PLPP2: variants seen among roughly 807,000 people sequenced by gnomAD.
PLPP2 encodes the protein phospholipid phosphatase 2.
PLPP2 carries 29 observed loss-of-function variants against 35.2 expected under a neutral mutation model. The observed-to-expected ratio is 0.82, with a 90% confidence interval of 0.61 to 1.12. PLPP2 has a LOEUF of 1.12. Ranked by LOEUF, PLPP2 falls within the 50% of genes most tolerant of loss-of-function variation. PLPP2 has a pLI of 0.00. For synonymous variants in PLPP2, 162 were observed against 167.0 expected (o/e 0.97, Z 0.23); for missense variants, 353 against 375.2 (o/e 0.94, Z 0.49).
intron 3 of PLPP2, chr19:283,703 C>G (rs983645163): frequency 1.3e-5 from 2 of 152,262 alleles, no homozygotes; most frequent in African/African-American, 4.8e-5. Context: ...GCTCTCACGT[C>G]TGGCCGCCTT....
At chr19:291,092 C>T in intron 1 of PLPP2, 193 bp downstream of exon 1, 2 of 1,337,812 alleles carry the variant, frequency 1.5e-6, no homozygotes, top group Non-Finnish European at 1.9e-6. Context: ...ACGCGGGGAC[C>T]CCCGAGCCTG....
rs1338421127 is a variant in PLPP2, at chr19:291,396, G to A, written c.-60C>T. 3 of 1,519,236 alleles carry A rather than the reference G, an allele frequency of 2.0e-6. No homozygotes were observed. The highest frequency in any genetic ancestry group is 2.7e-6 in the Non-Finnish European group (3 of 1,125,886). The allele number at this position is 1,519,236 out of a possible 1,614,324, so 94.1% of individuals were successfully genotyped here. The stretch of plus-strand genomic sequence containing the variant: ...TCCCGTCGCGTCCCGGCCCGGCCGC[G>A]GAGTCACGTGGCGCGGAGCCCGCCC... On this transcript the variant is annotated 5_prime_UTR_variant, in exon 1 of 6. Coordinates refer to ENST00000434325, the MANE Select transcript of PLPP2 (RefSeq NM_003712.4).
In PLPP2 at chr19:281,517, G is replaced by A. The variant is rs1970173748; in HGVS notation, c.738C>T (p.Phe246=). The change falls in exon 6 of 6, where the codon TTC becomes TTT. Residue 246 remains phenylalanine, a synonymous_variant. Coordinates refer to ENST00000434325, the MANE Select transcript of PLPP2 (RefSeq NM_003712.4). ...AALTVCYISD[F]FKARPPQHCL... Reference sequence around the variant, plus strand: ...AGTGCTGTGGGGGTCGGGCTTTGAAGAAGTCTGAGATGTAGCAGACCTGGT... The same window carrying A: ...AGTGCTGTGGGGGTCGGGCTTTGAAAAAGTCTGAGATGTAGCAGACCTGGT... The A allele has an allele frequency of 2.0e-6, 3 of 1,513,168 alleles. No homozygotes were observed. Among genetic ancestry groups the A allele is most frequent in the Non-Finnish European group, 1.8e-6 (2 of 1,129,496 alleles). The allele number at this position is 1,513,168 out of a possible 1,614,324, so 93.7% of individuals were successfully genotyped here. A position where few individuals can be genotyped will look rare whatever the true frequency, so the allele number is the denominator to read the frequency against.
rs1359710028 is a variant in PLPP2 at position 287,895 on chromosome 19, C to T, written c.204+125G>A. ...CCCACAGGTACCACTCAGGGCAAGGCTGTGTCCCCCGGCCCCACACAGACC... is the reference window on the plus strand; with the variant it reads ...CCCACAGGTACCACTCAGGGCAAGGTTGTGTCCCCCGGCCCCACACAGACC... On this transcript the variant is annotated intron_variant, in intron 2 of 5. Coordinates refer to ENST00000434325, the MANE Select transcript of PLPP2 (RefSeq NM_003712.4). This position sits in a 1 kb window ranked among gnomAD's most constrained non-coding sequence, Gnocchi z 4.3. The T allele has an allele frequency of 2.7e-6, 4 of 1,507,784 alleles. No homozygotes were observed. The African/African-American group carries it at 4.1e-5, about 16-fold the overall frequency. 93.4% of individuals were successfully genotyped at this position (1,507,784 alleles called of 1,614,324 possible). A position where few individuals can be genotyped will look rare whatever the true frequency, so the allele number is the denominator to read the frequency against.
At chr19:291,242 C>T in intron 1 of PLPP2, 43 bp downstream of exon 1, 1 of 1,598,316 alleles carries the variant, frequency 6.3e-7, no homozygotes, top group South Asian at 1.1e-5. Flanking sequence ...GCGTGTCCGT[C>T]CCGGGAGGGT....
intron 3 of PLPP2, chr19:285,235 C>T (rs1206342208): frequency 6.6e-6 from 1 of 152,032 alleles, no homozygotes; most frequent in Non-Finnish European, 1.5e-5. Context: ...GAGTTCGAGA[C>T]CAGCCTAGCC....
intron 1 of PLPP2, 172 bp downstream of exon 1, chr19:291,113 C>A: frequency 7.4e-7 from 1 of 1,354,738 alleles, no homozygotes; most frequent in Non-Finnish European, 9.5e-7. Context: ...GGAGGGCGCG[C>A]GCAGTGCGGG....
intron 4 of PLPP2, 81 bp downstream of exon 4, chr19:282,671 G>T: frequency 6.9e-7 from 1 of 1,450,668 alleles, no homozygotes; most frequent in Non-Finnish European, 9.6e-7. Context: ...CCATTTTACA[G>T]CTGGAAAAAC....
intron 3 of PLPP2, chr19:286,665 A>G (rs1970276004): frequency 6.6e-6 from 1 of 152,236 alleles, no homozygotes; most frequent in Non-Finnish European, 1.5e-5. Context: ...ACATTAAAAA[A>G]AAAGTCAGAG....
chr19:287,284 A>C lies in PLPP2; in HGVS notation c.482+190T>G, dbSNP rs575898992. 1.5e-5 allele frequency: 10 copies of C among 683,410 alleles called. No homozygotes were observed. Among genetic ancestry groups the C allele is most frequent in the Middle Eastern group, 4.2e-4 (1 of 2,396 alleles). The allele number at this position is 683,410 out of a possible 1,614,324, so 42.3% of individuals were successfully genotyped here. A position where few individuals can be genotyped will look rare whatever the true frequency, so the allele number is the denominator to read the frequency against. On this transcript the variant is annotated intron_variant, in intron 3 of 5. Transcript: ENST00000434325. This position sits in a 1 kb window ranked among gnomAD's most constrained non-coding sequence, Gnocchi z 4.3. ...GAACCCCAAAATACTTAAAGCAAAA[A>C]CTGACAGAATGTTACAACATGGATG...
intron 3 of PLPP2, 75 bp from the exon 4 acceptor site, chr19:282,884 A>C (rs1970209262): frequency 7.1e-7 from 1 of 1,410,380 alleles, no homozygotes. Context: ...CGCCCACAGA[A>C]GGGAGGGCTC....
chr19:291,132 G>C, intron 1 of PLPP2, 153 bp downstream of exon 1: 1 of 1,391,566 alleles, frequency 7.2e-7, no homozygotes. Flanking sequence ...GGGCGCGGAG[G>C]GAGGTCTGGT....
Position 291,330 on chromosome 19 carries a change from G to T in PLPP2, c.7C>A (p.Arg3=), listed in dbSNP as rs1469065326. Residue 3 remains arginine, a synonymous_variant, in exon 1 of 6, where the codon CGG becomes AGG. Transcript: ENST00000434325. MQ[R]RWVFVLLDVL... ...TCGAGCAGCACGAAGACCCACCTCC[G>T]CTGCATGGTCCCCGCGACCCCCGAC... 1 of 1,592,630 alleles carries T rather than the reference G, an allele frequency of 6.3e-7. No individual in the cohort carries two copies.
chr19:289,498 G>A (rs28708393), intron 1 of PLPP2, among the ~76,000 whole-genome samples: 83,970 of 151,040 alleles, frequency 0.56, 23,769 homozygotes, highest in Admixed American at 0.6. Flanking sequence ...GGCAGATCAC[G>A]AGGTCAGGAG....
At chr19:291,243 C>T (rs759616136) in intron 1 of PLPP2, 42 bp downstream of exon 1, 2 of 1,598,196 alleles carry the variant, frequency 1.3e-6, no homozygotes, top group African/African-American at 1.4e-5. Context: ...CGTGTCCGTC[C>T]CGGGAGGGTC....
intron 1 of PLPP2, chr19:291,004 G>C (rs1970379172): frequency 8.6e-6 from 11 of 1,279,148 alleles, no homozygotes; most frequent in Non-Finnish European, 9.8e-6. Context: ...CCTCCGCACA[G>C]ACTTCCTGCT....
intron 1 of PLPP2, chr19:291,037 C>T: frequency 7.8e-7 from 1 of 1,280,682 alleles, no homozygotes; most frequent in Non-Finnish European, 9.8e-7. Flanking sequence ...GATGCTGGCC[C>T]CGGCTCCCCG....
intron 1 of PLPP2, among the ~76,000 whole-genome samples, chr19:289,708 G>GA (rs1302393628): frequency 2.7e-5 from 4 of 150,490 alleles, no homozygotes; most frequent in East Asian, 1.9e-4. Context: ...TCTCAAGAAA[G>GA]AAAAAAAAAG....
rs1162698446 is a variant in PLPP2 at position 287,352 on chromosome 19, T to C, written c.482+122A>G. Reference sequence around the variant, plus strand: ...AGAATGCACTAACTTATACAAAAATTAGCCGGGCGTGGTGGCGCACGCCTG... The same window carrying C: ...AGAATGCACTAACTTATACAAAAATCAGCCGGGCGTGGTGGCGCACGCCTG... On this transcript the variant is annotated intron_variant, in intron 3 of 5. Coordinates refer to ENST00000434325, the MANE Select transcript of PLPP2 (RefSeq NM_003712.4). This position sits in a 1 kb window ranked among gnomAD's most constrained non-coding sequence, Gnocchi z 4.3. 2 of 1,248,198 alleles carry C rather than the reference T, an allele frequency of 1.6e-6. No individual in the cohort carries two copies. Among genetic ancestry groups the C allele is most frequent in the East Asian group, 2.3e-5 (1 of 42,592 alleles). 77.3% of individuals were successfully genotyped at this position (1,248,198 alleles called of 1,614,324 possible).
Sources: gnomAD v4.1 joint callset for allele counts (sites outside exome capture counted in the v4.1 genomes callset) on GRCh38, gnomAD v4.1.1 for gene constraint, Gnocchi (gnomAD v3.1) non-coding constraint, MANE v1.5 for transcripts, NCBI Gene and HGNC (gene_info 2026-07-23, HGNC 2026-07-21) for gene names.